The following LUZP2 variants were observed in gnomAD, a reference collection of about 807,000 sequenced individuals.
The protein encoded by LUZP2 is leucine zipper protein 2.
In LUZP2, 52 loss-of-function variants were observed where a neutral mutation model predicts 51.6. The observed-to-expected ratio is 1.01, with a 90% CI of 0.81 to 1.27. The LOEUF (loss-of-function observed/expected upper bound fraction) is 1.27, where lower values mean the gene tolerates loss of function less well. LUZP2 is among the 50% of genes most tolerant of loss of function. The pLI is 0.00. For synonymous variants in LUZP2, 154 were observed against 137.3 expected (o/e 1.12, Z -0.85); for missense variants, 436 against 395.4 (o/e 1.10, Z -0.87).
At chr11:24,497,340 G>T (rs1008565405) in intron 1 of LUZP2, 35 bp downstream of exon 1, 1 of 1,457,834 alleles carries the variant, frequency 6.9e-7, no homozygotes. Context: ...TGAGGCCAGG[G>T]GCGCTGCCGG....
chr11:24,854,045 G>C (rs1013856454), intron 5 of LUZP2, among the ~76,000 whole-genome samples: 3 of 152,174 alleles, frequency 2.0e-5, no homozygotes, highest in African/African-American at 7.2e-5. Flanking sequence ...TCCTGTATGA[G>C]GTGTCTGTTG....
chr11:24,820,815 G>A (rs553376761), intron 5 of LUZP2, among the ~76,000 whole-genome samples: 45 of 152,226 alleles, frequency 3.0e-4, no homozygotes, highest in Non-Finnish European at 6.2e-4. Flanking sequence ...AAGGCATAGT[G>A]TAAGAAGAAG....
At chr11:24,783,758 G>T (rs1031015209) in intron 5 of LUZP2, among the ~76,000 whole-genome samples, 10 of 151,886 alleles carry the variant, frequency 6.6e-5, no homozygotes, top group Non-Finnish European at 1.2e-4. Context: ...ACACTGCAAT[G>T]CATTTCTCTG....
At chr11:24,719,996 C>T (rs1176270056) in intron 1 of LUZP2, among the ~76,000 whole-genome samples, 1 of 152,106 alleles carries the variant, frequency 6.6e-6, no homozygotes, top group Non-Finnish European at 1.5e-5. Context: ...CCCAGCTAAG[C>T]TCAGACTAAC....
chr11:24,983,867 A>G (rs1240771448), intron 9 of LUZP2, among the ~76,000 whole-genome samples: 3 of 149,654 alleles, frequency 2.0e-5, no homozygotes, highest in African/African-American at 7.4e-5. Context: ...TCAAAGTCCC[A>G]GGGGATTTTA....
At chr11:24,619,018 T>G (rs967798745) in intron 1 of LUZP2, among the ~76,000 whole-genome samples, 3 of 106,112 alleles carry the variant, frequency 2.8e-5, no homozygotes, top group South Asian at 2.7e-4. Flanking sequence ...ATTTATTTAT[T>G]TATTTATTTA....
intron 4 of LUZP2, among the ~76,000 whole-genome samples, chr11:24,749,300 G>GTTTCTCAGCAGAAACCC (rs1859492213): frequency 5.9e-5 from 9 of 152,296 alleles, no homozygotes; most frequent in African/African-American, 2.2e-4. Context: ...GCAGAAGTGA[G>GTTTCTCAGCAGAAACCC]TACATTTAAA....
chr11:24,984,119 G>A (rs1856119913), intron 9 of LUZP2, among the ~76,000 whole-genome samples: 1 of 151,576 alleles, frequency 6.6e-6, no homozygotes, highest in African/African-American at 2.4e-5. Flanking sequence ...TCACTTGTCT[G>A]AGCATCACTT....
intron 1 of LUZP2, among the ~76,000 whole-genome samples, chr11:24,565,879 A>T (rs1227613481): frequency 6.6e-6 from 1 of 152,164 alleles, no homozygotes; most frequent in South Asian, 2.1e-4. Flanking sequence ...TTTGTAAATT[A>T]TGGTTTTTAT....
At chr11:24,844,824 T>A (rs1164720195) in intron 5 of LUZP2, among the ~76,000 whole-genome samples, 1 of 152,182 alleles carries the variant, frequency 6.6e-6, no homozygotes, top group Non-Finnish European at 1.5e-5. Context: ...AGCTTCCATG[T>A]GGTGTTGAAC....
intron 10 of LUZP2, among the ~76,000 whole-genome samples, chr11:25,068,319 A>C (rs1311474205): frequency 6.6e-6 from 1 of 152,062 alleles, no homozygotes; most frequent in Non-Finnish European, 1.5e-5. Context: ...TATGGTTAAA[A>C]AATAAAATAA....
rs542207849 is a variant in LUZP2, at chr11:24,982,374, A to G, written c.598-752A>G. Among the ~76,000 whole-genome samples the G allele has an allele frequency of 2.6e-5, 4 of 152,006 alleles. No homozygotes were observed. In the South Asian group the frequency reaches 8.3e-4, roughly 31 times the overall value. The stretch of plus-strand genomic sequence containing the variant: ...GAATCAACCTAAATGCCCTTCAATG[A>G]CAGATTGGATAAATAATATGTGACA... On this transcript the variant is annotated intron_variant, in intron 8 of 11. Coordinates refer to ENST00000336930, the MANE Select transcript of LUZP2 (RefSeq NM_001009909.4).
chr11:24,779,207 G>A lies in LUZP2; in HGVS notation c.396+15899G>A, dbSNP rs148596127. Among the ~76,000 whole-genome samples, 97 of 152,064 alleles carry A rather than the reference G, an allele frequency of 6.4e-4. No individual in the cohort carries two copies. In the East Asian group the frequency reaches 0.012, roughly 18 times the overall value. On this transcript the variant is annotated intron_variant, in intron 5 of 11. Transcript: ENST00000336930. The stretch of plus-strand genomic sequence containing the variant: ...TTTAAAATAAAACATTATTTTCTGC[G>A]TTATTTCTAGCAAATATGCACATTC...
At chr11:25,003,402 G>T (rs766683289) in intron 9 of LUZP2, among the ~76,000 whole-genome samples, 1 of 152,166 alleles carries the variant, frequency 6.6e-6, no homozygotes, top group Admixed American at 6.5e-5. Flanking sequence ...CATCCTTGAG[G>T]TCCAGAACTG....
Position 24,677,219 on chromosome 11 carries a change from C to T in LUZP2, c.63-51950C>T, listed in dbSNP as rs551046525. On this transcript the variant is annotated intron_variant, in intron 1 of 11. Transcript: ENST00000336930. ...CCCTCATGCTTCCATTCTATTTTCTCGGAACTATTCTTCACTTATAATCCA... is the reference window on the plus strand; with the variant it reads ...CCCTCATGCTTCCATTCTATTTTCTTGGAACTATTCTTCACTTATAATCCA... Among the ~76,000 whole-genome samples the T allele has an allele frequency of 7.2e-5, 11 of 152,264 alleles. No homozygotes were observed. The East Asian group carries it at 9.6e-4, about 13-fold the overall frequency.
chr11:24,780,483 G>A (rs1849058962), intron 5 of LUZP2, among the ~76,000 whole-genome samples: 1 of 152,066 alleles, frequency 6.6e-6, no homozygotes, highest in Non-Finnish European at 1.5e-5. Flanking sequence ...ATGTATACAA[G>A]GAGCCAGGCA....
intron 7 of LUZP2, among the ~76,000 whole-genome samples, chr11:24,945,157 T>A (rs1854864027): frequency 6.6e-6 from 1 of 152,160 alleles, no homozygotes; most frequent in Non-Finnish European, 1.5e-5. Context: ...ATTAGCAATA[T>A]AATTGGATGT....
intron 4 of LUZP2, among the ~76,000 whole-genome samples, chr11:24,751,787 C>T (rs1245140567): frequency 6.6e-6 from 1 of 150,656 alleles, no homozygotes; most frequent in Non-Finnish European, 1.5e-5. Context: ...AAACACTACA[C>T]ATTGCACTAC....
intron 1 of LUZP2, among the ~76,000 whole-genome samples, chr11:24,633,939 CGTGTGTGT>C (rs67250902): frequency 1.3e-5 from 2 of 148,436 alleles, no homozygotes; most frequent in Non-Finnish European, 3.0e-5. Context: ...GTCTAACACA[CGTGTGTGT>C]GTGTGTGTGT....
Sources: gnomAD v4.1 joint callset for allele counts (sites outside exome capture counted in the v4.1 genomes callset) on GRCh38, gnomAD v4.1.1 for gene constraint, MANE v1.5 for transcripts, NCBI Gene and HGNC (gene_info 2026-07-23, HGNC 2026-07-21) for gene names.